The following STXBP5L variants were observed in gnomAD, a reference collection of about 807,000 sequenced individuals.
STXBP5L encodes the protein syntaxin binding protein 5L.
A neutral mutation model predicts 144.5 loss-of-function variants in STXBP5L; 65 were observed. The observed-to-expected ratio is 0.45, with a 90% CI of 0.37 to 0.55. STXBP5L has a LOEUF of 0.55. Ranked by LOEUF, STXBP5L falls within the 20% of genes least tolerant of loss-of-function variation. The pLI is 0.00. For missense variants in STXBP5L, 1,298 were observed against 1,405.5 expected, an observed-to-expected ratio of 0.92 and a Z score of 1.22; for synonymous variants, 505 against 469.6, an observed-to-expected ratio of 1.08 and a Z score of -0.97.
At chr3:121,341,230 A>G (rs2044698504) in intron 20 of STXBP5L, among the ~76,000 whole-genome samples, 2 of 152,186 alleles carry the variant, frequency 1.3e-5, no homozygotes, top group African/African-American at 4.8e-5. Flanking sequence ...AACATAAGAC[A>G]TATTTTGACT....
chr3:120,909,812 T>C (rs768374925), intron 2 of STXBP5L, 45 bp downstream of exon 2: 5 of 1,541,676 alleles, frequency 3.2e-6, no homozygotes, highest in African/African-American at 1.4e-5. Flanking sequence ...TTTATTATAC[T>C]GTTGTAAGGA....
intron 3 of STXBP5L, among the ~76,000 whole-genome samples, chr3:121,005,694 T>G (rs1944232542): frequency 6.6e-6 from 1 of 152,244 alleles, no homozygotes; most frequent in Non-Finnish European, 1.5e-5. Flanking sequence ...CGTTTAGTGC[T>G]ATAAATTTCC....
intron 5 of STXBP5L, among the ~76,000 whole-genome samples, chr3:121,086,317 A>G (rs2042490999): frequency 1.3e-5 from 2 of 152,156 alleles, no homozygotes; most frequent in South Asian, 2.1e-4. Flanking sequence ...CTTAGACACA[A>G]AGATTACAAT....
chr3:121,392,847 G>A (rs2046629426), intron 22 of STXBP5L, among the ~76,000 whole-genome samples: 1 of 141,374 alleles, frequency 7.1e-6, no homozygotes, highest in Non-Finnish European at 1.5e-5. Context: ...AGACACTTAG[G>A]TTTATCCCAT....
At chr3:121,017,954 C>T (rs910578849) in intron 3 of STXBP5L, among the ~76,000 whole-genome samples, 2 of 152,078 alleles carry the variant, frequency 1.3e-5, no homozygotes, top group Admixed American at 6.6e-5. Context: ...TGGCATGCAC[C>T]CGCAGTCCTA....
At chr3:120,993,259 T>A (rs1047299840) in intron 3 of STXBP5L, among the ~76,000 whole-genome samples, 2 of 152,176 alleles carry the variant, frequency 1.3e-5, no homozygotes, top group Admixed American at 1.3e-4. Context: ...ATTGAACAGG[T>A]AGCCTCTTCA....
At chr3:121,032,762 G>C (rs1228603017) in intron 3 of STXBP5L, among the ~76,000 whole-genome samples, 2 of 71,582 alleles carry the variant, frequency 2.8e-5, no homozygotes, top group African/African-American at 5.8e-5. Context: ...GTGGGCGAAG[G>C]ACATGAACAG....
At chr3:121,137,139 C>T (rs1013719580) in intron 7 of STXBP5L, among the ~76,000 whole-genome samples, 1 of 152,036 alleles carries the variant, frequency 6.6e-6, no homozygotes, top group Non-Finnish European at 1.5e-5. Context: ...ATGCTAATTA[C>T]CTGGGTGACA....
chr3:121,152,025 C>T (rs892859756), intron 7 of STXBP5L, among the ~76,000 whole-genome samples: 3 of 151,848 alleles, frequency 2.0e-5, no homozygotes, highest in African/African-American at 7.2e-5. Flanking sequence ...CATAAAACAT[C>T]AGTTTAAAAT....
intron 20 of STXBP5L, among the ~76,000 whole-genome samples, chr3:121,337,306 C>T (rs953029955): frequency 6.6e-6 from 1 of 151,910 alleles, no homozygotes; most frequent in African/African-American, 2.4e-5. Flanking sequence ...CTTCAAGAGA[C>T]TCATCTAATG....
At chr3:121,092,066 G>A (rs1301718565) in intron 5 of STXBP5L, among the ~76,000 whole-genome samples, 2 of 152,272 alleles carry the variant, frequency 1.3e-5, no homozygotes, top group Admixed American at 6.5e-5. Flanking sequence ...TCTCGGGTTT[G>A]TCAAAGATCA....
chr3:121,403,929 C>T (rs2046940291), intron 22 of STXBP5L, among the ~76,000 whole-genome samples: 1 of 152,074 alleles, frequency 6.6e-6, no homozygotes, highest in Non-Finnish European at 1.5e-5. Flanking sequence ...ACCAGAATGC[C>T]CCAAGACTGA....
intron 6 of STXBP5L, among the ~76,000 whole-genome samples, chr3:121,117,782 CAA>C (rs1012630395): frequency 5.3e-5 from 8 of 151,234 alleles, no homozygotes; most frequent in African/African-American, 1.9e-4. Context: ...AGGCAATTCC[CAA>C]GAGTATGAAT....
intron 3 of STXBP5L, among the ~76,000 whole-genome samples, chr3:121,010,783 G>T (rs888311498): frequency 6.6e-6 from 1 of 151,800 alleles, no homozygotes; most frequent in Admixed American, 6.6e-5. Flanking sequence ...ATAAGAAAGA[G>T]AAAATATATT....
At chr3:120,923,605 C>G (rs1457679016) in intron 2 of STXBP5L, among the ~76,000 whole-genome samples, 1 of 151,860 alleles carries the variant, frequency 6.6e-6, no homozygotes, top group Non-Finnish European at 1.5e-5. Context: ...ATTTGTCATT[C>G]AAGAGCATGT....
intron 5 of STXBP5L, among the ~76,000 whole-genome samples, chr3:121,101,473 T>TA (rs2043422532): frequency 6.6e-6 from 1 of 150,516 alleles, no homozygotes; most frequent in Non-Finnish European, 1.5e-5. Context: ...TAAAAAGATT[T>TA]AAAAACCATA....
At chr3:121,326,773 T>G (rs2044162251) in intron 20 of STXBP5L, among the ~76,000 whole-genome samples, 1 of 152,056 alleles carries the variant, frequency 6.6e-6, no homozygotes, top group East Asian at 1.9e-4. Flanking sequence ...ATGGTAGTGA[T>G]TATTATAAAA....
chr3:121,375,915 C>T (rs939676324), intron 20 of STXBP5L, among the ~76,000 whole-genome samples: 7 of 152,030 alleles, frequency 4.6e-5, no homozygotes, highest in South Asian at 2.1e-4. Flanking sequence ...TGCTGAACTA[C>T]GAGATGATGT....
intron 3 of STXBP5L, among the ~76,000 whole-genome samples, chr3:120,994,988 C>T (rs1943224706): frequency 6.6e-6 from 1 of 151,744 alleles, no homozygotes; most frequent in South Asian, 2.1e-4. Flanking sequence ...ATTTTTTTTC[C>T]AGGTTCAATT....
Sources: gnomAD v4.1 joint callset for allele counts (sites outside exome capture counted in the v4.1 genomes callset) on GRCh38, gnomAD v4.1.1 for gene constraint, MANE v1.5 for transcripts, NCBI Gene and HGNC (gene_info 2026-07-23, HGNC 2026-07-21) for gene names.